The following FCHSD2 variants were observed in gnomAD, a reference collection of about 807,000 sequenced individuals.
FCHSD2 encodes the protein FCH and double SH3 domains 2, also known as F-BAR and double SH3 domains protein 2.
A neutral mutation model predicts 108.1 loss-of-function variants in FCHSD2; 38 were observed. The ratio of observed to expected loss-of-function variants is 0.35; its 90% CI spans 0.27 to 0.46. The LOEUF is 0.46. Among genes scored for constraint, FCHSD2 ranks in the 20% least tolerant of loss-of-function variants. The pLI is 1.00. For synonymous variants in FCHSD2, 279 were observed against 314.7 expected, an observed-to-expected ratio of 0.89 and a Z score of 1.20; for missense variants, 751 against 897.8, an observed-to-expected ratio of 0.84 and a Z score of 2.09.
chr11:73,032,922 G>C (rs952515273), intron 3 of FCHSD2, among the ~76,000 whole-genome samples: 1 of 152,148 alleles, frequency 6.6e-6, no homozygotes, highest in African/African-American at 2.4e-5. Flanking sequence ...CTTGCGAGCA[G>C]TGCAGTGCCA....
intron 8 of FCHSD2, among the ~76,000 whole-genome samples, chr11:72,971,443 C>T (rs11235621): frequency 4.6e-5 from 7 of 152,076 alleles, no homozygotes; most frequent in Non-Finnish European, 8.8e-5. Flanking sequence ...AGATTATCTG[C>T]GATTACCTAA....
intron 2 of FCHSD2, among the ~76,000 whole-genome samples, chr11:73,135,351 T>C (rs1463303938): frequency 6.6e-6 from 1 of 152,172 alleles, no homozygotes; most frequent in Non-Finnish European, 1.5e-5. Flanking sequence ...CTTTCATCTA[T>C]AAAATGAACA....
intron 4 of FCHSD2, among the ~76,000 whole-genome samples, chr11:73,012,805 A>ATATATGTAATTTGT (rs1322066670): frequency 1.3e-5 from 2 of 152,242 alleles, no homozygotes; most frequent in Admixed American, 6.5e-5. Context: ...AAAACTGTTT[A>ATATATGTAATTTGT]TATATGTAAT....
chr11:72,930,313 GCTC>G (rs951911939), intron 8 of FCHSD2, among the ~76,000 whole-genome samples: 3 of 152,146 alleles, frequency 2.0e-5, no homozygotes, highest in African/African-American at 7.2e-5. Context: ...CAGCTTGCCA[GCTC>G]CTCAAAACTT....
intron 2 of FCHSD2, among the ~76,000 whole-genome samples, chr11:73,135,740 C>T (rs1861106182): frequency 6.6e-6 from 1 of 152,206 alleles, no homozygotes; most frequent in Non-Finnish European, 1.5e-5. Flanking sequence ...TCAAACTTCA[C>T]TCCCAAATAC....
At chr11:72,926,936 G>A (rs181021437) in intron 8 of FCHSD2, among the ~76,000 whole-genome samples, 19 of 152,146 alleles carry the variant, frequency 1.2e-4, no homozygotes, top group Non-Finnish European at 2.5e-4. Context: ...AAAAAATGGC[G>A]ACTTGGTGCA....
intron 13 of FCHSD2, among the ~76,000 whole-genome samples, chr11:72,865,962 T>C (rs1384820791): frequency 1.3e-5 from 2 of 152,230 alleles, no homozygotes; most frequent in East Asian, 1.9e-4. Context: ...CCAAGTTTTG[T>C]TCATCTTCAG....
chr11:73,104,114 T>G (rs1860285152), intron 2 of FCHSD2, among the ~76,000 whole-genome samples: 1 of 152,264 alleles, frequency 6.6e-6, no homozygotes, highest in Admixed American at 6.5e-5. Flanking sequence ...ATCATATAGT[T>G]GCTGGCGGCT....
chr11:72,949,347 G>C (rs972940816), intron 8 of FCHSD2, among the ~76,000 whole-genome samples: 36 of 152,076 alleles, frequency 2.4e-4, no homozygotes, highest in Non-Finnish European at 2.9e-5. Flanking sequence ...CTACTCAGGA[G>C]GCTGAGACAG....
intron 8 of FCHSD2, among the ~76,000 whole-genome samples, chr11:72,931,176 C>T (rs1412787850): frequency 1.3e-5 from 2 of 148,916 alleles, no homozygotes; most frequent in East Asian, 2.0e-4. Context: ...CTCACTGCAA[C>T]CTCTGCCTCC....
At chr11:73,053,157 T>C (rs1397785994) in intron 3 of FCHSD2, among the ~76,000 whole-genome samples, 1 of 151,312 alleles carries the variant, frequency 6.6e-6, no homozygotes, top group African/African-American at 2.4e-5. Context: ...TTTTTTTTTT[T>C]TTTTTTTTTG....
intron 3 of FCHSD2, among the ~76,000 whole-genome samples, chr11:73,065,097 G>C (rs949435817): frequency 6.6e-6 from 1 of 152,022 alleles, no homozygotes; most frequent in Non-Finnish European, 1.5e-5. Flanking sequence ...ACATCAATGC[G>C]AAAATCCTCA....
intron 5 of FCHSD2, among the ~76,000 whole-genome samples, chr11:73,000,358 T>C (rs1248531866): frequency 6.6e-6 from 1 of 152,188 alleles, no homozygotes; most frequent in Non-Finnish European, 1.5e-5. Context: ...TGTAACTCTA[T>C]TTCCAAAAGA....
intron 1 of FCHSD2, among the ~76,000 whole-genome samples, chr11:73,140,713 C>T (rs1180459955): frequency 6.6e-6 from 1 of 152,248 alleles, no homozygotes; most frequent in South Asian, 2.1e-4. Flanking sequence ...AAGTGACCTT[C>T]CAGCATATGC....
intron 4 of FCHSD2, among the ~76,000 whole-genome samples, chr11:73,014,124 CTTTTTTTTTTTT>C (rs947652108): frequency 4.6e-5 from 4 of 86,584 alleles, no homozygotes; most frequent in African/African-American, 1.4e-4. Flanking sequence ...TGTGTGGTTT[CTTTTTTTTTTTT>C]TTTTTTTTTT....
chr11:73,116,650 G>A (rs1038728128), intron 2 of FCHSD2, among the ~76,000 whole-genome samples: 8 of 151,930 alleles, frequency 5.3e-5, no homozygotes, highest in East Asian at 3.9e-4. Flanking sequence ...AAGCTCCCGC[G>A]TCAGCCTCCC....
At chr11:73,047,809 C>T (rs1334996568) in intron 3 of FCHSD2, among the ~76,000 whole-genome samples, 3 of 152,286 alleles carry the variant, frequency 2.0e-5, no homozygotes, top group East Asian at 3.9e-4. Context: ...TCAGAATTTA[C>T]TCAGTAAATA....
intron 3 of FCHSD2, among the ~76,000 whole-genome samples, chr11:73,058,620 G>C (rs1488015468): frequency 1.4e-5 from 2 of 145,410 alleles, no homozygotes; most frequent in Non-Finnish European, 3.0e-5. Flanking sequence ...TTTTAAGACA[G>C]AGTCTTGCTC....
At chr11:73,130,580 G>T (rs1370001196) in intron 2 of FCHSD2, among the ~76,000 whole-genome samples, 3 of 152,208 alleles carry the variant, frequency 2.0e-5, no homozygotes, top group African/African-American at 7.2e-5. Context: ...AGCAGGTAAA[G>T]ATTTCTGAAT....
Sources: gnomAD v4.1 joint callset for allele counts (sites outside exome capture counted in the v4.1 genomes callset) on GRCh38, gnomAD v4.1.1 for gene constraint, MANE v1.5 for transcripts, NCBI Gene and HGNC (gene_info 2026-07-23, HGNC 2026-07-21) for gene names.